Variants in TEAD4 observed in about 807,000 individuals in gnomAD.
TEAD4 encodes TEA domain transcription factor 4, also known as transcriptional enhancer factor TEF-3.
A neutral mutation model predicts 52.4 loss-of-function variants in TEAD4; 36 were observed. That is an observed-to-expected ratio of 0.69 (90% CI 0.53 to 0.91). TEAD4 has a LOEUF of 0.91. Ranked by LOEUF, TEAD4 falls within the 40% of genes least tolerant of loss-of-function variation. TEAD4 has a pLI of 0.00. For synonymous variants in TEAD4, 220 were observed against 231.0 expected, an observed-to-expected ratio of 0.95 and a Z score of 0.43; for missense variants, 508 against 583.9, an observed-to-expected ratio of 0.87 and a Z score of 1.34.
chr12:3,011,020 T>G lies in TEAD4; in HGVS notation c.243T>G (p.Ile81Met). Residue 81 changes from isoleucine (I) to methionine (M), a missense_variant, in exon 4 of 13, where the codon ATT becomes ATG. By Grantham distance (10) the Ile-to-Met change is conservative. Coordinates refer to ENST00000359864, the MANE Select transcript of TEAD4 (RefSeq NM_003213.4). Reference sequence around the variant, plus strand: ...TCTCTGCAGGTCGGAACGAGCTGATTGCCCGCTACATCAAGCTCCGGACAG... The same window carrying G: ...TCTCTGCAGGTCGGAACGAGCTGATGGCCCGCTACATCAAGCTCCGGACAG... 1.2e-6 allele frequency: 2 copies of G among 1,614,098 alleles called. No homozygotes were observed. The highest frequency in any genetic ancestry group is 1.7e-6 in the Non-Finnish European group (2 of 1,180,002).
At position 2,994,321 on chromosome 12, in the gene TEAD4, C is replaced by T. The variant is rs567569825; in HGVS notation, c.-29-417C>T. ...GAGTTCCTGACCTCAAGTGATCTGC[C>T]TGCCTCAGCCTCCCAGAGTGCTGGG... On this transcript the variant is annotated intron_variant, in intron 2 of 12. Coordinates refer to ENST00000359864, the MANE Select transcript of TEAD4 (RefSeq NM_003213.4). This position sits in a 1 kb window ranked among gnomAD's most constrained non-coding sequence, Gnocchi z 4.7. 1.0e-3 allele frequency among the ~76,000 whole-genome samples: 156 copies of T among 152,338 alleles called. No homozygotes were observed. Among genetic ancestry groups the T allele is most frequent in the Middle Eastern group, 6.8e-3 (2 of 294 alleles).
chr12:3,034,748 C>T (rs956845960), intron 10 of TEAD4, among the ~76,000 whole-genome samples: 1 of 152,082 alleles, frequency 6.6e-6, no homozygotes, highest in African/African-American at 2.4e-5. Context: ...GCCTGGGCAA[C>T]ATGGCGAAGC....
intron 2 of TEAD4, among the ~76,000 whole-genome samples, chr12:2,976,263 C>T (rs1198491065): frequency 1.3e-5 from 2 of 151,994 alleles, no homozygotes; most frequent in African/African-American, 4.8e-5. Context: ...CTGCCCACCT[C>T]GGCCTCCCAA....
chr12:3,027,548 G>T (rs2098272784), intron 10 of TEAD4, among the ~76,000 whole-genome samples: 1 of 152,174 alleles, frequency 6.6e-6, no homozygotes, highest in Non-Finnish European at 1.5e-5. Context: ...CTGGGCACAT[G>T]ACAAAAACCT....
rs758970083 is a variant in TEAD4, at chr12:3,032,071, C to T, written c.898-5897C>T. 5.9e-5 allele frequency among the ~76,000 whole-genome samples: 9 copies of T among 152,316 alleles called. No homozygotes were observed. In the East Asian group the frequency reaches 7.7e-4, roughly 13 times the overall value. ...GAGCCAGCCCCTTGGGCTTCTTGGG[C>T]GTTCTCGACCTCAGATATCCCTTCC... On this transcript the variant is annotated intron_variant, in intron 10 of 12. Transcript: ENST00000359864.
chr12:3,017,379 C>T lies in TEAD4; in HGVS notation c.355-19C>T, dbSNP rs755173175. ...ACTAGTGACCCTGCTGAGGTCCTCC[C>T]TTGCAATGTCTCCCCCAGGACCAGG... On this transcript the variant is annotated intron_variant, in intron 5 of 12. Transcript: ENST00000359864. 4 of 1,614,010 alleles carry T rather than the reference C, an allele frequency of 2.5e-6. No homozygotes were observed. In the Admixed American group the frequency reaches 5.0e-5, roughly 20 times the overall value.
At chr12:3,038,994 C>T (rs1164708495) in intron 11 of TEAD4, among the ~76,000 whole-genome samples, 1 of 152,202 alleles carries the variant, frequency 6.6e-6, no homozygotes, top group Non-Finnish European at 1.5e-5. Context: ...CGTCCCTCTC[C>T]TCACCCCTTC....
chr12:3,016,029 A>ATATT (rs1478891309), intron 5 of TEAD4, among the ~76,000 whole-genome samples: 2 of 150,252 alleles, frequency 1.3e-5, no homozygotes, highest in South Asian at 2.1e-4. Context: ...CATCATAAAG[A>ATATT]TATTTATTTA....
chr12:3,017,527 G>T lies in TEAD4; in HGVS notation c.483+1G>T. The T allele has an allele frequency of 1.2e-6, 2 of 1,612,344 alleles. No homozygotes were observed. The highest frequency in any genetic ancestry group is 1.7e-6 in the Non-Finnish European group (2 of 1,179,412). ...CCCCGGCCGCCCAGCAGTCTCAGGGGTAAGTGGGCTGCCGAGAGCTGGAGG... is the reference window on the plus strand; with the variant it reads ...CCCCGGCCGCCCAGCAGTCTCAGGGTTAAGTGGGCTGCCGAGAGCTGGAGG... On this transcript the variant is annotated splice_donor_variant, in intron 6 of 12. Transcript: ENST00000359864. LOFTEE classifies it high-confidence loss of function.
intron 10 of TEAD4, among the ~76,000 whole-genome samples, chr12:3,035,333 G>T (rs923153156): frequency 2.0e-5 from 3 of 152,196 alleles, no homozygotes; most frequent in Non-Finnish European, 4.4e-5. Context: ...TCACCTCTTG[G>T]TGTTCCCCAC....
chr12:2,979,645 ATCTGTGACTAT>A lies in TEAD4; in HGVS notation c.-29-15085_-29-15075del, dbSNP rs1356441950. Among the ~76,000 whole-genome samples the A allele has an allele frequency of 2.0e-4, 30 of 152,260 alleles. 2 individuals are homozygous for A. In the South Asian group the frequency reaches 6.0e-3, roughly 31 times the overall value. On this transcript the variant is annotated intron_variant, in intron 2 of 12. Transcript: ENST00000359864. The stretch of plus-strand genomic sequence containing the variant: ...AAGTTGGCAAACTTGCAAGTACAAA[ATCTGTGACTAT>A]TCTGTGATTAATGAGGATTGACTGT...
chr12:2,964,430 G>A (rs540326311), intron 2 of TEAD4, among the ~76,000 whole-genome samples: 47 of 152,072 alleles, frequency 3.1e-4, no homozygotes, highest in African/African-American at 9.6e-4. Context: ...GGCTGGGGTC[G>A]CTGGACAACG....
chr12:2,999,025 A>C (rs1327334289), intron 3 of TEAD4, among the ~76,000 whole-genome samples: 2 of 152,168 alleles, frequency 1.3e-5, no homozygotes, highest in Non-Finnish European at 2.9e-5. Flanking sequence ...GTGGGGACTG[A>C]TGGAGGGCTC....
chr12:3,029,517 C>T (rs539523968), intron 10 of TEAD4, among the ~76,000 whole-genome samples: 35 of 152,142 alleles, frequency 2.3e-4, no homozygotes, highest in Non-Finnish European at 4.7e-4. Flanking sequence ...GGATTACAGG[C>T]GTGAGCCACC....
intron 10 of TEAD4, among the ~76,000 whole-genome samples, chr12:3,024,802 A>G (rs559908740): frequency 7.9e-5 from 12 of 152,298 alleles, no homozygotes; most frequent in African/African-American, 2.9e-4. Flanking sequence ...AAATTTTACA[A>G]ATTGCTCCAT....
rs113667696 is a variant in TEAD4 at position 3,016,553 on chromosome 12, C to T, written c.355-845C>T. 6.3e-3 allele frequency among the ~76,000 whole-genome samples: 948 copies of T among 150,334 alleles called. 12 individuals carry two copies. Among genetic ancestry groups the T allele is most frequent in the African/African-American group, 0.022 (883 of 40,784 alleles). ...CCAGGAGTTTGAGGCTGTAGTGAGC[C>T]ATGATTGTGCAGTACTCTAGCCTGT... On this transcript the variant is annotated intron_variant, in intron 5 of 12. Transcript: ENST00000359864.
At chr12:2,972,500 T>TC (rs1336424434) in intron 2 of TEAD4, among the ~76,000 whole-genome samples, 2 of 139,688 alleles carry the variant, frequency 1.4e-5, no homozygotes, top group Non-Finnish European at 3.1e-5. Context: ...TCTTTTTTTT[T>TC]TTTTTTTTTT....
At chr12:2,981,718 C>A (rs1478490523) in intron 2 of TEAD4, among the ~76,000 whole-genome samples, 1 of 152,126 alleles carries the variant, frequency 6.6e-6, no homozygotes, top group Admixed American at 6.5e-5. Context: ...CTGAGGCCCA[C>A]CCTAAGCAGG....
chr12:2,990,079 C>T (rs2098241796), intron 2 of TEAD4, among the ~76,000 whole-genome samples: 1 of 152,210 alleles, frequency 6.6e-6, no homozygotes, highest in Admixed American at 6.5e-5. Context: ...GTAATTTCCT[C>T]AGCTCTGTCT....
Sources: allele counts gnomAD v4.1 joint callset (sites outside exome capture counted in the v4.1 genomes callset), GRCh38; gene constraint gnomAD v4.1.1; non-coding constraint Gnocchi (gnomAD v3.1); transcripts MANE v1.5; gene names NCBI Gene and HGNC (gene_info 2026-07-23, HGNC 2026-07-21).